Variants in ANKS1A observed in about 807,000 individuals in gnomAD.
ANKS1A encodes the protein ankyrin repeat and sterile alpha motif domain containing 1A.
Under a neutral mutation model 120.3 loss-of-function variants are expected in ANKS1A, and 55 were observed. The ratio of observed to expected loss-of-function variants is 0.46; its 90% CI spans 0.37 to 0.57. The LOEUF (loss-of-function observed/expected upper bound fraction) is 0.57. ANKS1A is among the 20% of genes least tolerant of loss of function. The pLI is 0.00. For synonymous variants in ANKS1A, 590 were observed against 604.7 expected, an observed-to-expected ratio of 0.98 and a Z score of 0.36; for missense variants, 1,123 against 1,480.3, an observed-to-expected ratio of 0.76 and a Z score of 3.96.
At chr6:34,951,092 G>A (rs1184142219) in intron 1 of ANKS1A, among the ~76,000 whole-genome samples, 1 of 152,086 alleles carries the variant, frequency 6.6e-6, no homozygotes, top group Non-Finnish European at 1.5e-5. Flanking sequence ...AGATCATACT[G>A]TACTTACTGT....
intron 9 of ANKS1A, among the ~76,000 whole-genome samples, chr6:34,991,744 A>G (rs1169393565): frequency 8.9e-5 from 2 of 22,354 alleles, no homozygotes; most frequent in East Asian, 1.7e-3. Flanking sequence ...ATATATATAC[A>G]TATATACACA....
intron 1 of ANKS1A, among the ~76,000 whole-genome samples, chr6:34,917,192 G>A (rs1768207221): frequency 6.6e-6 from 1 of 152,226 alleles, no homozygotes; most frequent in South Asian, 2.1e-4. Flanking sequence ...AGGAGAGAAG[G>A]AAGAAGGCTT....
chr6:34,939,978 G>A (rs539310264), intron 1 of ANKS1A, among the ~76,000 whole-genome samples: 1 of 152,346 alleles, frequency 6.6e-6, no homozygotes, highest in South Asian at 2.1e-4. Context: ...GCGCTATAGT[G>A]TGAGCACAAT....
At chr6:34,971,373 G>A (rs912868901) in intron 3 of ANKS1A, among the ~76,000 whole-genome samples, 3 of 152,148 alleles carry the variant, frequency 2.0e-5, no homozygotes, top group Non-Finnish European at 4.4e-5. Context: ...GGAAAAAATT[G>A]TACTTGGATT....
rs1778205544 is a variant in ANKS1A at position 35,089,831 on chromosome 6, A to G, written c.*1222A>G. ...TGGATTTGAGAGGCAAAGTTGGCTC[A>G]GCTGTGTGCCCAGTTCCTCCTGTGG... On this transcript the variant is annotated 3_prime_UTR_variant, in exon 24 of 24. Coordinates refer to ENST00000360359, the MANE Select transcript of ANKS1A (RefSeq NM_015245.3). The G allele has an allele frequency of 4.8e-6, 5 of 1,035,442 alleles. No homozygotes were observed. The highest frequency in any genetic ancestry group is 5.8e-6 in the Non-Finnish European group (5 of 860,694). 64.1% of individuals were successfully genotyped at this position (1,035,442 alleles called of 1,614,324 possible). A position where few individuals can be genotyped will look rare whatever the true frequency, so the allele number is the denominator to read the frequency against.
In ANKS1A at chr6:34,970,142, T is replaced by G; in HGVS notation, c.411T>G (p.Pro137=). The G allele has an allele frequency of 6.2e-7, 1 of 1,613,844 alleles. No individual in the cohort carries two copies. Among genetic ancestry groups the G allele is most frequent in the Non-Finnish European group, 8.5e-7 (1 of 1,179,916 alleles). Residue 137 remains proline (P), a synonymous_variant, in exon 3 of 24, where the codon CCT becomes CCG. Transcript: ENST00000360359. ...TGCGGTTGCTCATCCATCAAGGGCC[T>G]TCACACACCAGAGTCAATGAACAGG... ...QIVRLLIHQG[P]SHTRVNEQNN...
chr6:35,031,718 T>C (rs976153195), intron 11 of ANKS1A, among the ~76,000 whole-genome samples: 2 of 152,190 alleles, frequency 1.3e-5, no homozygotes, highest in Non-Finnish European at 2.9e-5. Flanking sequence ...TTTTGTGTTA[T>C]CCTCCCTTGA....
chr6:35,079,384 GA>G, intron 14 of ANKS1A, 131 bp from the exon 15 acceptor site: 1 of 1,070,096 alleles, frequency 9.3e-7, no homozygotes, highest in Non-Finnish European at 1.3e-6. Context: ...TGGGGGGCTG[GA>G]AGGTGCTGAG....
At chr6:35,037,694 T>G (rs563516293) in intron 11 of ANKS1A, among the ~76,000 whole-genome samples, 18 of 152,242 alleles carry the variant, frequency 1.2e-4, no homozygotes. Flanking sequence ...GTCTACCCAG[T>G]GTACAGGTCT....
intron 10 of ANKS1A, among the ~76,000 whole-genome samples, chr6:34,997,362 A>G (rs1772910785): frequency 6.6e-6 from 1 of 151,802 alleles, no homozygotes; most frequent in African/African-American, 2.4e-5. Flanking sequence ...ATGCCTGGCT[A>G]ATTATTGATT....
intron 1 of ANKS1A, among the ~76,000 whole-genome samples, chr6:34,953,623 A>G (rs1180337469): frequency 6.6e-6 from 1 of 152,070 alleles, no homozygotes; most frequent in Non-Finnish European, 1.5e-5. Flanking sequence ...TTTTGTTTTC[A>G]TGTCTCTGAC....
At chr6:34,961,485 G>A (rs762325816) in intron 1 of ANKS1A, among the ~76,000 whole-genome samples, 7 of 152,188 alleles carry the variant, frequency 4.6e-5, no homozygotes, top group Non-Finnish European at 8.8e-5. Flanking sequence ...GGTTGGAAAC[G>A]TTGCTGCTTT....
intron 1 of ANKS1A, among the ~76,000 whole-genome samples, chr6:34,895,197 T>TG (rs1767010945): frequency 1.4e-5 from 2 of 146,378 alleles, no homozygotes; most frequent in South Asian, 2.2e-4. Context: ...GGACTTTGGT[T>TG]TTTTTTTTTT....
Position 35,086,138 on chromosome 6 carries a change from T to TGCTCCTGTTTCCCTCCCTC in ANKS1A, c.3303+206_3303+224dup. The TGCTCCTGTTTCCCTCCCTC allele has an allele frequency of 4.3e-6, 5 of 1,173,748 alleles. No homozygotes were observed. Among genetic ancestry groups the TGCTCCTGTTTCCCTCCCTC allele is most frequent in the Non-Finnish European group, 5.9e-6 (5 of 849,214 alleles). The allele number at this position is 1,173,748 out of a possible 1,614,324, so 72.7% of individuals were successfully genotyped here. The stretch of plus-strand genomic sequence containing the variant: ...TCCTCTGGCCTGGGCGGGCCTCTCA[T>TGCTCCTGTTTCCCTCCCTC]GCTCCTGTTTCCCTCCCTCGCTGGG... On this transcript the variant is annotated intron_variant, in intron 22 of 23. Transcript: ENST00000360359. The surrounding 1 kb of genome is among the most constrained non-coding windows in gnomAD (Gnocchi z 5.1).
In ANKS1A at chr6:34,983,129, A is replaced by G; in HGVS notation, c.825A>G (p.Ile275Met). The part of the protein sequence containing the change: ...ILLAAGTDVN[I>M]KDNHGLTALD... ...CCTTTCTAGGAACTGACGTCAACAT[A>G]AAAGATAACCATGGACTGACTGCCC... is the stretch of plus-strand genomic sequence containing the variant. Residue 275 changes from isoleucine (I) to methionine (M), a missense_variant, in exon 6 of 24, where the codon ATA becomes ATG. Coordinates refer to ENST00000360359, the MANE Select transcript of ANKS1A (RefSeq NM_015245.3). 6.2e-7 allele frequency: 1 copy of G among 1,614,158 alleles called. No homozygotes were observed. The highest frequency in any genetic ancestry group is 8.5e-7 in the Non-Finnish European group (1 of 1,180,018).
intron 10 of ANKS1A, among the ~76,000 whole-genome samples, chr6:35,016,813 GAGGA>G (rs1329456519): frequency 1.1e-4 from 17 of 151,062 alleles, no homozygotes; most frequent in Non-Finnish European, 1.5e-5. Context: ...TGTGCTCCCT[GAGGA>G]AGGAAGGATG....
chr6:35,070,610 C>T (rs756867263), intron 13 of ANKS1A, among the ~76,000 whole-genome samples: 8 of 151,550 alleles, frequency 5.3e-5, no homozygotes, highest in African/African-American at 7.3e-5. Flanking sequence ...CTGCCTCAGC[C>T]GCCCGAGTAG....
At chr6:34,897,116 G>C (rs952062529) in intron 1 of ANKS1A, among the ~76,000 whole-genome samples, 10 of 152,156 alleles carry the variant, frequency 6.6e-5, no homozygotes, top group African/African-American at 2.2e-4. Flanking sequence ...TTACTACAAA[G>C]TTTAAGATTT....
chr6:35,009,806 G>A (rs1281713084), intron 10 of ANKS1A: 8 of 169,664 alleles, frequency 4.7e-5, no homozygotes, highest in African/African-American at 2.0e-4. Context: ...GGGAGGCTGA[G>A]TCATGAGAAT....
Sources: gnomAD v4.1 joint callset for allele counts (sites outside exome capture counted in the v4.1 genomes callset) on GRCh38, gnomAD v4.1.1 for gene constraint, Gnocchi (gnomAD v3.1) non-coding constraint, MANE v1.5 for transcripts, NCBI Gene and HGNC (gene_info 2026-07-23, HGNC 2026-07-21) for gene names.